Variants in DLG1 observed in about 807,000 individuals in gnomAD.
The protein encoded by DLG1 is disks large homolog 1.
DLG1 carries 42 observed loss-of-function variants against 123.4 expected under a neutral mutation model. The ratio of observed to expected loss-of-function variants is 0.34; its 90% confidence interval spans 0.27 to 0.44. The LOEUF (loss-of-function observed/expected upper bound fraction) is 0.44, where lower values mean the gene tolerates loss of function less well. Ranked by LOEUF, DLG1 falls within the 20% of genes least tolerant of loss-of-function variation. DLG1 has a pLI of 1.00. For synonymous variants in DLG1, 317 were observed against 356.2 expected (o/e 0.89, Z 1.24); for missense variants, 942 against 1,082.6 (o/e 0.87, Z 1.82).
intron 19 of DLG1, among the ~76,000 whole-genome samples, chr3:197,068,207 C>T (rs1200379527): frequency 6.6e-6 from 1 of 152,154 alleles, no homozygotes; most frequent in Non-Finnish European, 1.5e-5. Context: ...ACATGGCTTA[C>T]ATACTAGCAA....
At chr3:197,149,845 T>C in intron 5 of DLG1, 49 bp from the exon 6 acceptor site, 1 of 1,098,452 alleles carries the variant, frequency 9.1e-7, no homozygotes, top group Non-Finnish European at 1.4e-6. Context: ...AAACATTACA[T>C]GTTCATGTTC....
intron 5 of DLG1, among the ~76,000 whole-genome samples, chr3:197,165,249 AATT>A (rs1800848823): frequency 6.6e-6 from 1 of 152,224 alleles, no homozygotes; most frequent in Non-Finnish European, 1.5e-5. Context: ...ACAGAAAAAC[AATT>A]ATTATGATCT....
chr3:197,282,042 T>C (rs892218377), intron 4 of DLG1, among the ~76,000 whole-genome samples: 2 of 152,244 alleles, frequency 1.3e-5, no homozygotes, highest in African/African-American at 4.8e-5. Flanking sequence ...CACTTTCAAA[T>C]GACTAATGCT....
At chr3:197,124,295 TAC>T (rs1284191110) in intron 11 of DLG1, among the ~76,000 whole-genome samples, 2 of 152,200 alleles carry the variant, frequency 1.3e-5, no homozygotes, top group African/African-American at 4.8e-5. Flanking sequence ...TTATTTTTCT[TAC>T]AGAGTCTTGC....
At chr3:197,106,417 C>A (rs961966603) in intron 13 of DLG1, among the ~76,000 whole-genome samples, 1 of 139,430 alleles carries the variant, frequency 7.2e-6, no homozygotes, top group African/African-American at 2.6e-5. Context: ...CTCCAGCCAG[C>A]CCCCCCCACC....
At chr3:197,276,941 G>A (rs1579210624) in intron 4 of DLG1, among the ~76,000 whole-genome samples, 1 of 152,034 alleles carries the variant, frequency 6.6e-6, no homozygotes, top group East Asian at 1.9e-4. Context: ...GCCCAGGCTG[G>A]AGTGCGGTGG....
chr3:197,276,250 C>A (rs559234510), intron 4 of DLG1, among the ~76,000 whole-genome samples: 2 of 152,278 alleles, frequency 1.3e-5, no homozygotes, highest in African/African-American at 4.8e-5. Context: ...TCTTTTATAT[C>A]CCTTGTTGGT....
chr3:197,209,970 G>T lies in DLG1; in HGVS notation c.319-15381C>A, dbSNP rs1443555724. Reference sequence around the variant, plus strand: ...GGTTAACATCATCCATGACTCCAGAGAAGACAAATGGAAACTCCTCATTTG... The same window carrying T: ...GGTTAACATCATCCATGACTCCAGATAAGACAAATGGAAACTCCTCATTTG... On this transcript the variant is annotated intron_variant, in intron 4 of 24. Coordinates refer to ENST00000667157, the MANE Select transcript of DLG1 (RefSeq NM_001366207.1). Among the ~76,000 whole-genome samples, 3 of 146,406 alleles carry T rather than the reference G, an allele frequency of 2.0e-5. 1 individual carries two copies. The highest frequency in any genetic ancestry group is 3.1e-5 in the Non-Finnish European group (2 of 65,184).
chr3:197,169,441 A>G (rs1420971339), intron 5 of DLG1, among the ~76,000 whole-genome samples: 1 of 152,226 alleles, frequency 6.6e-6, no homozygotes, highest in East Asian at 1.9e-4. Flanking sequence ...TTGAATGTAG[A>G]GTTGGTATAT....
chr3:197,106,033 T>G (rs534731588), intron 13 of DLG1, among the ~76,000 whole-genome samples: 1 of 152,324 alleles, frequency 6.6e-6, no homozygotes, highest in East Asian at 1.9e-4. Context: ...TAAATTTACA[T>G]AAAGAACATT....
At position 197,296,479 on chromosome 3, in the gene DLG1, T is replaced by C. The variant is rs1207351103; in HGVS notation, c.20-2A>G. 1 of 1,612,974 alleles carries C rather than the reference T, an allele frequency of 6.2e-7. No homozygotes were observed. Among genetic ancestry groups the C allele is most frequent in the Non-Finnish European group, 8.5e-7 (1 of 1,179,394 alleles). ...AAAGGTGCAATGCTCTCTGGGTATCTGAGAAGAAAAAGCAGAGCCTGATTA... is the reference window on the plus strand; with the variant it reads ...AAAGGTGCAATGCTCTCTGGGTATCCGAGAAGAAAAAGCAGAGCCTGATTA... On this transcript the variant is annotated splice_acceptor_variant, in intron 2 of 24. Transcript: ENST00000667157. LOFTEE classifies it high-confidence loss of function.
intron 23 of DLG1, 61 bp downstream of exon 23, chr3:197,059,828 A>G (rs1734541379): frequency 9.2e-7 from 1 of 1,091,262 alleles, no homozygotes; most frequent in African/African-American, 1.6e-5. Flanking sequence ...GAGAGTAAAT[A>G]AATTACCCTA....
At chr3:197,096,008 A>T (rs1265318232) in intron 14 of DLG1, among the ~76,000 whole-genome samples, 2 of 152,202 alleles carry the variant, frequency 1.3e-5, no homozygotes, top group Admixed American at 1.3e-4. Flanking sequence ...TTGTCAAAAA[A>T]GCCTTAGTAA....
At chr3:197,111,586 A>G (rs1770020165) in intron 13 of DLG1, among the ~76,000 whole-genome samples, 1 of 152,196 alleles carries the variant, frequency 6.6e-6, no homozygotes, top group Non-Finnish European at 1.5e-5. Flanking sequence ...AGAAATTTGA[A>G]CAGCTCAGCT....
intron 11 of DLG1, among the ~76,000 whole-genome samples, chr3:197,124,791 C>A (rs941005623): frequency 6.6e-6 from 1 of 151,978 alleles, no homozygotes; most frequent in Non-Finnish European, 1.5e-5. Context: ...AAAATCAGCT[C>A]TCGGTGATAT....
intron 5 of DLG1, among the ~76,000 whole-genome samples, chr3:197,177,527 C>T (rs1807775425): frequency 6.6e-6 from 1 of 151,934 alleles, no homozygotes; most frequent in Admixed American, 6.6e-5. Context: ...GTGGTATGTA[C>T]CGATAACACG....
chr3:197,180,206 C>T (rs999163662), intron 5 of DLG1, among the ~76,000 whole-genome samples: 4 of 151,974 alleles, frequency 2.6e-5, no homozygotes, highest in Non-Finnish European at 5.9e-5. Context: ...CATATGATTA[C>T]TACTGACATT....
At chr3:197,183,461 C>A (rs1411728976) in intron 5 of DLG1, 1 of 931,620 alleles carries the variant, frequency 1.1e-6, no homozygotes, top group Admixed American at 2.7e-5. Context: ...TACATTTCTA[C>A]ACATCCAAGG....
intron 4 of DLG1, among the ~76,000 whole-genome samples, chr3:197,236,368 G>A (rs1446718894): frequency 1.3e-5 from 2 of 151,830 alleles, no homozygotes; most frequent in Non-Finnish European, 2.9e-5. Flanking sequence ...CAACAGCTGA[G>A]AGAATTCATC....
Sources: allele counts gnomAD v4.1 joint callset (sites outside exome capture counted in the v4.1 genomes callset), GRCh38; gene constraint gnomAD v4.1.1; transcripts MANE v1.5; gene names NCBI Gene and HGNC (gene_info 2026-07-23, HGNC 2026-07-21).